The following KNTC1 variants were observed in gnomAD, a reference collection of about 807,000 sequenced individuals.
The protein encoded by KNTC1 is kinetochore-associated protein 1.
In KNTC1, 253 loss-of-function variants were observed where a neutral mutation model predicts 314.4. That is an observed-to-expected ratio of 0.80 (90% CI 0.73 to 0.89). KNTC1 has a LOEUF of 0.89. Ranked by LOEUF, KNTC1 falls within the 40% of genes least tolerant of loss-of-function variation. KNTC1 has a pLI of 0.00. For missense variants in KNTC1, 2,475 were observed against 2,572.9 expected, an observed-to-expected ratio of 0.96 and a Z score of 0.82; for synonymous variants, 901 against 901.4, an observed-to-expected ratio of 1.00 and a Z score of 0.01.
intron 15 of KNTC1, 48 bp from the exon 16 acceptor site, chr12:122,551,573 T>C (rs1963201886): frequency 6.2e-7 from 1 of 1,602,440 alleles, no homozygotes; most frequent in African/African-American, 1.3e-5. Context: ...ATAACTTAAA[T>C]TCCCTGAATA....
intron 31 of KNTC1, among the ~76,000 whole-genome samples, chr12:122,578,206 C>T (rs957312129): frequency 1.4e-4 from 21 of 152,042 alleles, no homozygotes; most frequent in African/African-American, 5.1e-4. Context: ...TACTTTTTTG[C>T]AGATGAGGAA....
In KNTC1 at chr12:122,573,286, G is replaced by T. The variant is rs1226716908; in HGVS notation, c.2283+1G>T. On this transcript the variant is annotated splice_donor_variant, in intron 26 of 63. Transcript: ENST00000333479. LOFTEE classifies it high-confidence loss of function. Reference sequence around the variant, plus strand: ...GGAACTTCTCTTGCTGTACATAGAGGTAACTTTTCCTTTACATCTAGTCTT... The same window carrying T: ...GGAACTTCTCTTGCTGTACATAGAGTTAACTTTTCCTTTACATCTAGTCTT... 1 of 1,612,834 alleles carries T rather than the reference G, an allele frequency of 6.2e-7. No individual in the cohort carries two copies. The highest frequency in any genetic ancestry group is 2.2e-5 in the East Asian group (1 of 44,854).
chr12:122,609,703 T>C (rs1872914916), intron 52 of KNTC1, among the ~76,000 whole-genome samples: 1 of 152,018 alleles, frequency 6.6e-6, no homozygotes, highest in South Asian at 2.1e-4. Context: ...AAGAAAACTC[T>C]TTCTTAGCTA....
rs180979740 is a variant in KNTC1 at position 122,605,608 on chromosome 12, C to T, written c.5496+193C>T. The stretch of plus-strand genomic sequence containing the variant: ...TTGCCCAGGCTGGAGTGTAATGGCG[C>T]GGTCTCGGCTCACTGCAACCTCTGC... On this transcript the variant is annotated intron_variant, in intron 51 of 63. Transcript: ENST00000333479. Among the ~76,000 whole-genome samples, 37 of 152,294 alleles carry T rather than the reference C, an allele frequency of 2.4e-4. No individual in the cohort carries two copies. In the East Asian group the frequency reaches 5.0e-3, roughly 21 times the overall value.
At chr12:122,597,041 T>C (rs1253430211) in intron 43 of KNTC1, among the ~76,000 whole-genome samples, 1 of 152,014 alleles carries the variant, frequency 6.6e-6, no homozygotes, top group Non-Finnish European at 1.5e-5. Flanking sequence ...TAGGCACTTA[T>C]AGATATAAAC....
chr12:122,558,175 G>A (rs1269194220), intron 18 of KNTC1, among the ~76,000 whole-genome samples: 12 of 152,164 alleles, frequency 7.9e-5, no homozygotes, highest in Non-Finnish European at 1.0e-4. Flanking sequence ...ACTGGAATCC[G>A]GGAGGCAGAG....
intron 3 of KNTC1, among the ~76,000 whole-genome samples, chr12:122,536,420 CAG>C (rs1961839513): frequency 6.6e-6 from 1 of 151,576 alleles, no homozygotes; most frequent in Non-Finnish European, 1.5e-5. Flanking sequence ...TTAGAAGAAA[CAG>C]GGTTTCACTA....
At chr12:122,586,959 C>T (rs1282757711) in intron 38 of KNTC1, among the ~76,000 whole-genome samples, 7 of 152,224 alleles carry the variant, frequency 4.6e-5, no homozygotes, top group African/African-American at 1.2e-4. Flanking sequence ...GGATTACAGG[C>T]GTGTGCCACC....
In KNTC1 at chr12:122,591,415, A is replaced by G. The variant is rs1870184279; in HGVS notation, c.4207A>G (p.Thr1403Ala). 6.2e-7 allele frequency: 1 copy of G among 1,607,888 alleles called. No individual in the cohort carries two copies. The highest frequency in any genetic ancestry group is 2.2e-5 in the East Asian group (1 of 44,836). ...EMGLKFRELSTDAQWGIRLGK... is the reference protein window; with the variant it reads ...EMGLKFRELSADAQWGIRLGK... ...GGGGCTTAAGTTCCGTGAACTCAGT[A>G]CTGATGCCCAGTGGGGCATTCGTCT... Residue 1403 changes from threonine to alanine, a missense_variant, in exon 42 of 64, where the codon ACT becomes GCT. Coordinates refer to ENST00000333479, the MANE Select transcript of KNTC1 (RefSeq NM_014708.6).
At chr12:122,599,357 A>C (rs1414393247) in intron 44 of KNTC1, among the ~76,000 whole-genome samples, 1 of 70,830 alleles carries the variant, frequency 1.4e-5, no homozygotes, top group Non-Finnish European at 2.6e-5. Context: ...AATGGCAGGG[A>C]AAAAAATTTT....
At chr12:122,587,609 A>G (rs1423330998) in intron 38 of KNTC1, 102 bp from the exon 39 acceptor site, 3 of 860,888 alleles carry the variant, frequency 3.5e-6, no homozygotes, top group Non-Finnish European at 5.2e-6. Flanking sequence ...CATGACTATT[A>G]TCTGTATTGA....
At position 122,551,443 on chromosome 12, in the gene KNTC1, T is replaced by G; in HGVS notation, c.1131-15T>G. 1 of 1,569,790 alleles carries G rather than the reference T, an allele frequency of 6.4e-7. No homozygotes were observed. Among genetic ancestry groups the G allele is most frequent in the Non-Finnish European group, 8.7e-7 (1 of 1,153,682 alleles). ...ATTAAAAGACAAGCGCATTTATAGT[T>G]AAAATTTTTTCTAGATTGTCTGAAG... is the stretch of plus-strand genomic sequence containing the variant. On this transcript the variant is annotated splice_polypyrimidine_tract_variant and intron_variant, in intron 14 of 63. Transcript: ENST00000333479.
In KNTC1 at chr12:122,555,245, C is replaced by T. The variant is rs568303484; in HGVS notation, c.1273-2139C>T. Among the ~76,000 whole-genome samples the T allele has an allele frequency of 5.3e-5, 8 of 152,244 alleles. 1 individual carries two copies. In the South Asian group the frequency reaches 1.2e-3, roughly 24 times the overall value. On this transcript the variant is annotated intron_variant, in intron 16 of 63. Transcript: ENST00000333479. ...GACAATTCATATAAATATCTTTCTT[C>T]GGTTGATAAATAATCATATATACTT...
intron 16 of KNTC1, among the ~76,000 whole-genome samples, chr12:122,551,942 C>T (rs546649302): frequency 6.6e-6 from 1 of 151,488 alleles, no homozygotes; most frequent in African/African-American, 2.4e-5. Context: ...GAGTCTTACT[C>T]TGTTGCCCAG....
chr12:122,587,279 A>G (rs1869494057), intron 38 of KNTC1, among the ~76,000 whole-genome samples: 1 of 152,234 alleles, frequency 6.6e-6, no homozygotes, highest in South Asian at 2.1e-4. Flanking sequence ...CTATCTCTAA[A>G]AAAACAAAAA....
In KNTC1 at chr12:122,613,678, C is replaced by T. The variant is rs1262162347; in HGVS notation, c.5794C>T (p.Pro1932Ser). 6.2e-7 allele frequency: 1 copy of T among 1,612,136 alleles called. No homozygotes were observed. Among genetic ancestry groups the T allele is most frequent in the Non-Finnish European group, 8.5e-7 (1 of 1,179,020 alleles). ...GGCATCATTTGAGACTTTGAATATC[C>T]CCATCACATATGAATTATTTTGCAG... Reference protein sequence around the residue: ...FLASFETLNIPITYELFCSSP... With the variant: ...FLASFETLNISITYELFCSSP... The change falls in exon 55 of 64, where the codon CCC (proline) becomes TCC (serine). Residue 1932 changes from proline (P) to serine (S), a missense_variant. Physicochemically the swap from Pro to Ser is moderately conservative, Grantham distance 74. Transcript: ENST00000333479.
At chr12:122,580,761 G>T (rs1965366846) in intron 33 of KNTC1, 91 bp downstream of exon 33, 4 of 749,124 alleles carry the variant, frequency 5.3e-6, no homozygotes, top group Non-Finnish European at 8.6e-6. Context: ...GGGCGCAGTG[G>T]CTTACCCCTG....
At chr12:122,557,353 A>C (rs765817945) in intron 16 of KNTC1, 31 bp from the exon 17 acceptor site, 1 of 1,595,228 alleles carries the variant, frequency 6.3e-7, no homozygotes, top group Non-Finnish European at 8.5e-7. Context: ...TTGTACTTCA[A>C]ATTGCTTGAT....
intron 22 of KNTC1, 21 bp from the exon 23 acceptor site, chr12:122,570,855 T>G (rs1205538693): frequency 6.7e-7 from 1 of 1,485,026 alleles, no homozygotes; most frequent in Non-Finnish European, 9.2e-7. Flanking sequence ...AAGAATTTCA[T>G]TTTTAAATAA....
Sources: allele counts gnomAD v4.1 joint callset (sites outside exome capture counted in the v4.1 genomes callset), GRCh38; gene constraint gnomAD v4.1.1; transcripts MANE v1.5; gene names NCBI Gene and HGNC (gene_info 2026-07-23, HGNC 2026-07-21).